Variants in NME9 observed in about 807,000 individuals in gnomAD.
The protein encoded by NME9 is thioredoxin domain-containing protein 6.
A neutral mutation model predicts 44.4 loss-of-function variants in NME9; 48 were observed. The ratio of observed to expected loss-of-function variants is 1.08; its 90% confidence interval spans 0.86 to 1.37. NME9 has a LOEUF of 1.37. NME9 is among the 40% of genes most tolerant of loss of function. NME9 has a pLI of 0.00. For missense variants in NME9, 325 were observed against 405.2 expected (o/e 0.80, Z 1.70); for synonymous variants, 139 against 147.1 (o/e 0.94, Z 0.40).
chr3:138,264,086 A>G, intron 8 of NME9: 1 of 1,555,548 alleles, frequency 6.4e-7, no homozygotes, highest in Non-Finnish European at 8.9e-7. Context: ...TTGAAAAGTA[A>G]AAGTTTTGAT....
rs2053989472 is a variant in NME9 at position 138,329,400 on chromosome 3, CA to C, written c.-66del. The stretch of plus-strand genomic sequence containing the variant: ...GGGCCGTTCCCCCGCAGCCTCGCGA[CA>C]AACCGCTGCGTGGATCAGCAAGCCC... On this transcript the variant is annotated 5_prime_UTR_variant, in exon 1 of 11. Coordinates refer to ENST00000333911, the MANE Select transcript of NME9 (RefSeq NM_001349018.2). The C allele has an allele frequency of 3.9e-6, 6 of 1,535,332 alleles. 1 individual carries two copies. The East Asian group carries it at 1.2e-4, about 31-fold the overall frequency.
At position 138,301,497 on chromosome 3, in the gene NME9, G is replaced by T; in HGVS notation, c.*143C>A. 1 of 1,430,622 alleles carries T rather than the reference G, an allele frequency of 7.0e-7. No individual in the cohort carries two copies. Among genetic ancestry groups the T allele is most frequent in the South Asian group, 1.4e-5 (1 of 69,042 alleles). The allele number at this position is 1,430,622 out of a possible 1,614,324, so 88.6% of individuals were successfully genotyped here. The stretch of plus-strand genomic sequence containing the variant: ...TGGGATTACAGGTGTGAGTCACTGC[G>T]CCCAGCCATATTATTTTCATTGTCT... On this transcript the variant is annotated 3_prime_UTR_variant, in exon 11 of 11. Coordinates refer to ENST00000333911, the MANE Select transcript of NME9 (RefSeq NM_001349018.2).
At chr3:138,315,166 A>C (rs927729465) in intron 5 of NME9, among the ~76,000 whole-genome samples, 2 of 152,228 alleles carry the variant, frequency 1.3e-5, no homozygotes, top group African/African-American at 4.8e-5. Flanking sequence ...CCAGTGGGTC[A>C]CTAGGAGAGA....
Position 138,267,140 on chromosome 3 carries a change from T to A in NME9, c.746-4554A>T, listed in dbSNP as rs1349088025. On this transcript the variant is annotated intron_variant, in intron 8 of 8. Coordinates refer to the NME9 transcript ENST00000317876. ...CATTCCAAATCATTAGTAGTATCCT[T>A]TTTTAATTCCATAGGTTTTACAAAA... is the stretch of plus-strand genomic sequence containing the variant. 9 of 1,438,026 alleles carry A rather than the reference T, an allele frequency of 6.3e-6. No homozygotes were observed. The African/African-American group carries it at 1.3e-4, about 20-fold the overall frequency. 89.1% of individuals were successfully genotyped at this position (1,438,026 alleles called of 1,614,324 possible). A position where few individuals can be genotyped will look rare whatever the true frequency, so the allele number is the denominator to read the frequency against.
intron 2 of NME9, among the ~76,000 whole-genome samples, chr3:138,322,514 GTGTGTGTC>G (rs1260445142): frequency 1.3e-5 from 2 of 151,634 alleles, no homozygotes; most frequent in Non-Finnish European, 2.9e-5. Flanking sequence ...GTGTGTGTGT[GTGTGTGTC>G]TGTGCATGCA....
chr3:138,270,805 A>G (rs1052069544), intron 8 of NME9, among the ~76,000 whole-genome samples: 1 of 152,212 alleles, frequency 6.6e-6, no homozygotes, highest in Non-Finnish European at 1.5e-5. Context: ...TTGAGGTTAG[A>G]GAACCATTTC....
chr3:138,324,744 C>T lies in NME9; in HGVS notation c.91+129G>A, dbSNP rs933487125. On this transcript the variant is annotated intron_variant, in intron 2 of 10. Transcript: ENST00000333911. ...CACACACACACACACACACACATCA[C>T]CTGGTTTTTTATGAGGCTCAAGGTA... The T allele has an allele frequency of 4.7e-6, 3 of 641,310 alleles. No individual in the cohort carries two copies. The African/African-American group carries it at 5.6e-5, about 12-fold the overall frequency. The allele number at this position is 641,310 out of a possible 1,614,324, so 39.7% of individuals were successfully genotyped here. A position where few individuals can be genotyped will look rare whatever the true frequency, so the allele number is the denominator to read the frequency against.
intron 5 of NME9, 99 bp from the exon 6 acceptor site, chr3:138,314,506 A>G: frequency 1.4e-6 from 1 of 715,596 alleles, no homozygotes; most frequent in South Asian, 2.0e-5. Context: ...AAAGCTCCAA[A>G]ACACAGAGAA....
At chr3:138,264,269 A>T (rs1473272805) in intron 8 of NME9, 1 of 1,393,952 alleles carries the variant, frequency 7.2e-7, no homozygotes, top group African/African-American at 1.4e-5. Flanking sequence ...GAGTGAGCTG[A>T]GCTAGCTAAC....
chr3:138,275,418 G>A (rs929444279), intron 8 of NME9, among the ~76,000 whole-genome samples: 5 of 152,176 alleles, frequency 3.3e-5, no homozygotes, highest in African/African-American at 1.2e-4. Flanking sequence ...AATTAGCCAG[G>A]CGCGGTGGCG....
At chr3:138,308,408 C>T (rs2052435997) in intron 6 of NME9, among the ~76,000 whole-genome samples, 3 of 152,078 alleles carry the variant, frequency 2.0e-5, no homozygotes, top group Non-Finnish European at 4.4e-5. Context: ...CAACAGCCTT[C>T]CTAACTGTTA....
At chr3:138,323,183 G>C (rs2053573305) in intron 2 of NME9, among the ~76,000 whole-genome samples, 1 of 152,176 alleles carries the variant, frequency 6.6e-6, no homozygotes, top group Admixed American at 6.5e-5. Context: ...TGGGAGGCCC[G>C]GGTGGGCGGA....
At chr3:138,280,573 A>C (rs1417099617) in intron 8 of NME9, among the ~76,000 whole-genome samples, 4 of 146,218 alleles carry the variant, frequency 2.7e-5, no homozygotes, top group Admixed American at 6.9e-5. Flanking sequence ...GGCTCACTGC[A>C]AGCTCCGTCT....
At chr3:138,290,600 A>G in intron 8 of NME9, 1 of 1,607,606 alleles carries the variant, frequency 6.2e-7, no homozygotes, top group East Asian at 2.2e-5. Context: ...GATATTCTAC[A>G]CAAACTGAGT....
chr3:138,316,137 G>C (rs1224006773), intron 4 of NME9, among the ~76,000 whole-genome samples: 2 of 152,010 alleles, frequency 1.3e-5, no homozygotes, highest in Non-Finnish European at 2.9e-5. Context: ...TGGCCAGTCT[G>C]CTCCTAGTTT....
intron 10 of NME9, 185 bp downstream of exon 10, chr3:138,303,322 G>A: frequency 4.4e-6 from 2 of 454,556 alleles, no homozygotes; most frequent in Admixed American, 7.0e-5. Flanking sequence ...GTTGCTCTAT[G>A]AGAACACAAA....
In NME9 at chr3:138,315,574, G is replaced by C. The variant is rs757661454; in HGVS notation, c.337C>G (p.Leu113Val). 166 of 1,536,580 alleles carry C rather than the reference G, an allele frequency of 1.1e-4. No homozygotes were observed. The highest frequency in any genetic ancestry group is 1.4e-4 in the Non-Finnish European group (162 of 1,147,042). Residue 113 changes from leucine to valine, a missense_variant, in exon 5 of 11, where the codon CTG becomes GTG. Transcript: ENST00000333911. ...GCCAGCACTTTCTTTTCGGCCTCCA[G>C]CTGGTCTAGGATGGTTTTCTGCAGC... is the stretch of plus-strand genomic sequence containing the variant. ...PLLQKTILDQ[L>V]EAEKKVLAEG... is the part of the protein sequence containing the mutation.
intron 8 of NME9, among the ~76,000 whole-genome samples, chr3:138,291,927 A>C (rs1007673076): frequency 2.0e-5 from 3 of 152,242 alleles, no homozygotes; most frequent in African/African-American, 7.2e-5. Flanking sequence ...AGGTAAGGTA[A>C]GGACTTTGGC....
At chr3:138,305,855 C>T in intron 8 of NME9, 149 bp downstream of exon 8, 1 of 657,598 alleles carries the variant, frequency 1.5e-6, no homozygotes, top group Non-Finnish European at 2.7e-6. Flanking sequence ...AGCCTATTGT[C>T]ATTCTGAGAA....
Sources: gnomAD v4.1 joint callset for allele counts (sites outside exome capture counted in the v4.1 genomes callset) on GRCh38, gnomAD v4.1.1 for gene constraint, MANE v1.5 for transcripts, NCBI Gene and HGNC (gene_info 2026-07-23, HGNC 2026-07-21) for gene names.